Variants in GRTP1 observed in about 807,000 individuals in gnomAD.
GRTP1 encodes the protein growth hormone regulated TBC protein 1, also known as growth hormone-regulated TBC protein 1.
GRTP1 carries 56 observed loss-of-function variants against 38.1 expected under a neutral mutation model. The observed-to-expected ratio is 1.47, with a 90% confidence interval of 1.19 to 1.84. The LOEUF (loss-of-function observed/expected upper bound fraction) is 1.84. GRTP1 is among the 40% of genes most tolerant of loss of function. The probability of loss-of-function intolerance (pLI) is 0.00; values close to 1 mark genes in which losing one functional copy is unlikely to be tolerated. For missense variants in GRTP1, 506 were observed against 453.9 expected (o/e 1.11, Z -1.04); for synonymous variants, 217 against 189.5 (o/e 1.14, Z -1.19).
In GRTP1 at chr13:113,344,338, C is replaced by A. The variant is rs564121714; in HGVS notation, c.562+525G>T. On this transcript the variant is annotated intron_variant, in intron 5 of 7. Coordinates refer to ENST00000375431, the MANE Select transcript of GRTP1 (RefSeq NM_024719.4). ...AAAAGGCCCTCTGCCGTCCCAGGAG[C>A]AAGCAGTTGCTGCAGCCGGACCCTG... Among the ~76,000 whole-genome samples, 17 of 152,352 alleles carry A rather than the reference C, an allele frequency of 1.1e-4. No individual in the cohort carries two copies. The South Asian group carries it at 3.5e-3, about 32-fold the overall frequency.
chr13:113,339,546 T>C (rs1251178533), intron 5 of GRTP1: 1 of 152,258 alleles, frequency 6.6e-6, no homozygotes, highest in Non-Finnish European at 1.5e-5. Context: ...TTCCATACAG[T>C]CAACTGTCAC....
rs953793469 is a variant in GRTP1 at position 113,349,825 on chromosome 13, G to A, written c.465+1024C>T. 1.4e-4 allele frequency among the ~76,000 whole-genome samples: 21 copies of A among 152,154 alleles called. No individual in the cohort carries two copies. Among genetic ancestry groups the A allele is most frequent in the Middle Eastern group, 3.2e-3 (1 of 316 alleles). Reference sequence around the variant, plus strand: ...AAACTGCATTTTCTGGTTGGTGCACGCCTGGCTCCCGGCTCCTACAGGAAG... The same window carrying A: ...AAACTGCATTTTCTGGTTGGTGCACACCTGGCTCCCGGCTCCTACAGGAAG... On this transcript the variant is annotated intron_variant, in intron 4 of 7. Transcript: ENST00000375431. This position sits in a 1 kb window ranked among gnomAD's most constrained non-coding sequence, Gnocchi z 5.0.
intron 2 of GRTP1, 119 bp downstream of exon 2, chr13:113,363,643 C>T: frequency 9.2e-7 from 1 of 1,085,070 alleles, no homozygotes; most frequent in Admixed American, 2.6e-5. Flanking sequence ...CAGCTTCGTC[C>T]CGACCTGCCC....
chr13:113,360,042 C>T (rs1401062010), intron 2 of GRTP1: 6 of 152,152 alleles, frequency 3.9e-5, no homozygotes, highest in Non-Finnish European at 1.5e-5. Context: ...TTAGGCAAAT[C>T]CCCAGTTTTT....
At chr13:113,351,131 G>T in intron 3 of GRTP1, 158 bp from the exon 4 acceptor site, 1 of 360,154 alleles carries the variant, frequency 2.8e-6, no homozygotes, top group Non-Finnish European at 3.9e-6. Flanking sequence ...AGAGCGACAG[G>T]CTCACTGGGC....
chr13:113,339,934 G>A (rs981857423), intron 5 of GRTP1: 2 of 152,322 alleles, frequency 1.3e-5, no homozygotes, highest in South Asian at 4.1e-4. Context: ...AGATTAGTCT[G>A]TATGGTGTGA....
intron 7 of GRTP1, 97 bp downstream of exon 7, chr13:113,325,564 C>T (rs763998235): frequency 1.4e-4 from 218 of 1,594,918 alleles, no homozygotes; most frequent in Non-Finnish European, 1.7e-4. Context: ...CACTGGTGCC[C>T]GTCCTGTGCA....
chr13:113,342,643 G>GAGA lies in GRTP1; in HGVS notation c.562+2219_562+2220insTCT, dbSNP rs34935966. ...ACCTAGTTTGGGTAACTATAACTTC[G>GAGA]AGGATGGATTTTAGAGCAGGATGAC... is the stretch of plus-strand genomic sequence containing the variant. On this transcript the variant is annotated intron_variant, in intron 5 of 7. Coordinates refer to ENST00000375431, the MANE Select transcript of GRTP1 (RefSeq NM_024719.4). The surrounding 1 kb of genome is among the most constrained non-coding windows in gnomAD (Gnocchi z 4.5). Among the ~76,000 whole-genome samples the GAGA allele has an allele frequency of 0.98, 149,079 of 152,176 alleles. 73,102 individuals are homozygous for GAGA. Among genetic ancestry groups the GAGA allele is most frequent in the Middle Eastern group, 1 (292 of 292 alleles).
intron 5 of GRTP1, among the ~76,000 whole-genome samples, chr13:113,332,405 A>ACACACGTGCACACGCACGC: frequency 6.6e-6 from 1 of 151,082 alleles, no homozygotes; most frequent in African/African-American, 2.4e-5. Context: ...ACACACAGGT[A>ACACACGTGCACACGCACGC]CACACGTGCA....
In GRTP1 at chr13:113,327,028, C is replaced by A. The variant is rs141953649; in HGVS notation, c.563-937G>T. ...AAAGACATGGGTAAGATGGTACATT[C>A]TATGTTCTGTGTATTTTACCACAGT... On this transcript the variant is annotated intron_variant, in intron 5 of 7. Coordinates refer to ENST00000375431, the MANE Select transcript of GRTP1 (RefSeq NM_024719.4). 7.2e-5 allele frequency among the ~76,000 whole-genome samples: 11 copies of A among 152,322 alleles called. No individual in the cohort carries two copies. The East Asian group carries it at 2.1e-3, about 29-fold the overall frequency.
intron 5 of GRTP1, among the ~76,000 whole-genome samples, chr13:113,329,928 C>G (rs575140998): frequency 6.6e-6 from 1 of 152,252 alleles, no homozygotes; most frequent in African/African-American, 2.4e-5. Flanking sequence ...GAGCTGGGCG[C>G]CCAGGTGGGC....
chr13:113,324,480 A>G lies in GRTP1; in HGVS notation c.*8T>C, dbSNP rs1452659637. 1 of 1,603,250 alleles carries G rather than the reference A, an allele frequency of 6.2e-7. No individual in the cohort carries two copies. On this transcript the variant is annotated 3_prime_UTR_variant, in exon 8 of 8. Transcript: ENST00000375431. ...TGTAGAGACGAGCAACGCAGGGGAC[A>G]GGCACGCTCACCCCTGTGCCAGCAG...
chr13:113,334,841 T>A (rs570295402), intron 5 of GRTP1, among the ~76,000 whole-genome samples: 1 of 152,158 alleles, frequency 6.6e-6, no homozygotes, highest in Non-Finnish European at 1.5e-5. Flanking sequence ...TCTTTTGAGA[T>A]GGACACTTGC....
chr13:113,352,337 T>TATATATATTTATATATATTTTATA (rs2043295312), intron 3 of GRTP1, among the ~76,000 whole-genome samples: 1 of 51,560 alleles, frequency 1.9e-5, no homozygotes, highest in Non-Finnish European at 3.8e-5. Flanking sequence ...TATATATATT[T>TATATATATTTATATATATTTTATA]TATATATATA....
At chr13:113,360,677 T>TA (rs1259863793) in intron 2 of GRTP1, among the ~76,000 whole-genome samples, 3 of 152,196 alleles carry the variant, frequency 2.0e-5, no homozygotes, top group Non-Finnish European at 2.9e-5. Flanking sequence ...CCAGCATCCC[T>TA]ACTCCCTGCA....
intron 5 of GRTP1, among the ~76,000 whole-genome samples, chr13:113,344,551 T>C (rs1249848772): frequency 6.6e-6 from 1 of 151,938 alleles, no homozygotes; most frequent in Non-Finnish European, 1.5e-5. Flanking sequence ...CCATCTCTAC[T>C]AAAAATACAA....
In GRTP1 at chr13:113,350,733, C is replaced by T. The variant is rs1332934726; in HGVS notation, c.465+116G>A. 45 of 997,948 alleles carry T rather than the reference C, an allele frequency of 4.5e-5. No individual in the cohort carries two copies. In the East Asian group the frequency reaches 9.3e-4, roughly 21 times the overall value. 61.8% of individuals were successfully genotyped at this position (997,948 alleles called of 1,614,324 possible). A position where few individuals can be genotyped will look rare whatever the true frequency, so the allele number is the denominator to read the frequency against. On this transcript the variant is annotated intron_variant, in intron 4 of 7. Transcript: ENST00000375431. Reference sequence around the variant, plus strand: ...TCCGAGCCTCAATGGGGCATCAGGACGTGGAATTCATGAACAGGGTTGACA... The same window carrying T: ...TCCGAGCCTCAATGGGGCATCAGGATGTGGAATTCATGAACAGGGTTGACA...
In GRTP1 at chr13:113,348,016, G is replaced by A. The variant is rs1463799281; in HGVS notation, c.465+2833C>T. ...AGGACCTGTGTGGCTGAGCGGACCT[G>A]GGAGGACCTGTCTGGCCGAGTGGAC... On this transcript the variant is annotated intron_variant, in intron 4 of 7. Coordinates refer to ENST00000375431, the MANE Select transcript of GRTP1 (RefSeq NM_024719.4). The surrounding 1 kb of genome is among the most constrained non-coding windows in gnomAD (Gnocchi z 4.8). 1.1e-4 allele frequency among the ~76,000 whole-genome samples: 16 copies of A among 152,112 alleles called. No individual in the cohort carries two copies. Among genetic ancestry groups the A allele is most frequent in the African/African-American group, 3.9e-4 (16 of 41,468 alleles).
intron 4 of GRTP1, among the ~76,000 whole-genome samples, chr13:113,345,526 C>T (rs1447557599): frequency 6.6e-6 from 1 of 152,236 alleles, no homozygotes; most frequent in Non-Finnish European, 1.5e-5. Context: ...TGAGTCAGCG[C>T]CATTTCCAGG....
Sources: gnomAD v4.1 joint callset for allele counts (sites outside exome capture counted in the v4.1 genomes callset) on GRCh38, gnomAD v4.1.1 for gene constraint, Gnocchi (gnomAD v3.1) non-coding constraint, MANE v1.5 for transcripts, NCBI Gene and HGNC (gene_info 2026-07-23, HGNC 2026-07-21) for gene names.